NFKB1: variants seen among roughly 807,000 people sequenced by gnomAD.
NFKB1 encodes the protein nuclear factor NF-kappa-B p105 subunit.
A neutral mutation model predicts 105.1 loss-of-function variants in NFKB1; 9 were observed. The ratio of observed to expected loss-of-function variants is 0.09; its 90% CI spans 0.05 to 0.15. The LOEUF is 0.15. Among genes scored for constraint, NFKB1 ranks in the 10% least tolerant of loss-of-function variants. The probability of loss-of-function intolerance (pLI) is 1.00; values close to 1 mark genes in which losing one functional copy is unlikely to be tolerated. For synonymous variants in NFKB1, 440 were observed against 442.2 expected (o/e 1.00, Z 0.06); for missense variants, 830 against 1,203.7 (o/e 0.69, Z 4.59).
chr4:102,533,100 G>C (rs1178390523), intron 3 of NFKB1, among the ~76,000 whole-genome samples: 2 of 152,126 alleles, frequency 1.3e-5, no homozygotes, highest in Non-Finnish European at 2.9e-5. Flanking sequence ...TAAAATGCCT[G>C]AGATGTTTTA....
chr4:102,558,072 A>G (rs1723126756), intron 5 of NFKB1, among the ~76,000 whole-genome samples: 1 of 139,546 alleles, frequency 7.2e-6, no homozygotes, highest in African/African-American at 2.7e-5. Context: ...TATGTGCAGG[A>G]TGTGCAGGTT....
At chr4:102,553,724 G>A (rs1206103781) in intron 5 of NFKB1, among the ~76,000 whole-genome samples, 1 of 152,116 alleles carries the variant, frequency 6.6e-6, no homozygotes, top group East Asian at 1.9e-4. Flanking sequence ...ATTCTTATCA[G>A]GACTTAACTA....
At chr4:102,603,641 A>G (rs1356471577) in intron 16 of NFKB1, among the ~76,000 whole-genome samples, 1 of 152,240 alleles carries the variant, frequency 6.6e-6, no homozygotes, top group African/African-American at 2.4e-5. Context: ...TTTGAGAATT[A>G]GAAACTGCTA....
At position 102,591,120 on chromosome 4, in the gene NFKB1, C is replaced by T. The variant is rs144498191; in HGVS notation, c.1067-2305C>T. On this transcript the variant is annotated intron_variant, in intron 11 of 23. Transcript: ENST00000226574. ...AAAGTGCAAGGTGAAGCAACAAATG[C>T]TAACAGAGAAGCTGCAGCAAGTTAT... Among the ~76,000 whole-genome samples, 573 of 152,248 alleles carry T rather than the reference C, an allele frequency of 3.8e-3. 5 individuals carry two copies. Among genetic ancestry groups the T allele is most frequent in the African/African-American group, 0.013 (559 of 41,548 alleles).
At position 102,526,828 on chromosome 4, in the gene NFKB1, TG is replaced by T. The variant is rs1383673318; in HGVS notation, c.39+1272del. Among the ~76,000 whole-genome samples, 6 of 152,206 alleles carry T rather than the reference TG, an allele frequency of 3.9e-5. No individual in the cohort carries two copies. The East Asian group carries it at 1.2e-3, about 29-fold the overall frequency. On this transcript the variant is annotated intron_variant, in intron 2 of 23. Transcript: ENST00000226574. ...TTCTCCTATATTTTATTTTGAAAAA[TG>T]TTGGAAAAAATAAATAGAAATGTTG...
intron 8 of NFKB1, among the ~76,000 whole-genome samples, chr4:102,579,652 T>A (rs1471505346): frequency 0.014 from 1,894 of 138,080 alleles, 17 homozygotes; most frequent in East Asian, 0.043. Flanking sequence ...AAAAAATATA[T>A]ATATATATAT....
intron 5 of NFKB1, among the ~76,000 whole-genome samples, chr4:102,544,910 C>A (rs1335786567): frequency 1.3e-5 from 2 of 152,166 alleles, no homozygotes; most frequent in East Asian, 3.9e-4. Context: ...TGGCCATTCC[C>A]ATTTTTCTGC....
At chr4:102,552,551 G>T (rs1211789623) in intron 5 of NFKB1, among the ~76,000 whole-genome samples, 4 of 152,072 alleles carry the variant, frequency 2.6e-5, no homozygotes, top group Non-Finnish European at 5.9e-5. Flanking sequence ...TTATTTGTAT[G>T]CCCTTAGAAA....
intron 5 of NFKB1, among the ~76,000 whole-genome samples, chr4:102,541,990 A>G (rs538978978): frequency 6.6e-6 from 1 of 152,112 alleles, no homozygotes; most frequent in African/African-American, 2.4e-5. Context: ...TCAGGGGCCA[A>G]CTTGAAAGAT....
At chr4:102,579,726 A>G (rs910216729) in intron 8 of NFKB1, among the ~76,000 whole-genome samples, 1 of 151,050 alleles carries the variant, frequency 6.6e-6, no homozygotes, top group Non-Finnish European at 1.5e-5. Context: ...AATCTTCAGC[A>G]TTTACCATGC....
intron 19 of NFKB1, 105 bp downstream of exon 19, chr4:102,607,856 C>A: frequency 1.1e-6 from 1 of 939,332 alleles, no homozygotes; most frequent in Non-Finnish European, 1.7e-6. Context: ...AGACCTACTG[C>A]TGAAAAACAA....
chr4:102,513,418 C>G (rs1444877023), intron 1 of NFKB1, among the ~76,000 whole-genome samples: 1 of 152,170 alleles, frequency 6.6e-6, no homozygotes, highest in African/African-American at 2.4e-5. Flanking sequence ...ATAAATTACT[C>G]TTAATTACAA....
At chr4:102,564,529 C>T (rs1413102409) in intron 5 of NFKB1, among the ~76,000 whole-genome samples, 3 of 152,242 alleles carry the variant, frequency 2.0e-5, no homozygotes, top group African/African-American at 7.2e-5. Context: ...TGGACTCTTT[C>T]AAATGGATCC....
At chr4:102,614,739 C>T (rs1220424442) in intron 23 of NFKB1, among the ~76,000 whole-genome samples, 1 of 152,020 alleles carries the variant, frequency 6.6e-6, no homozygotes, top group Admixed American at 6.6e-5. Context: ...AGACCGTCTC[C>T]ATTCCTGGCT....
chr4:102,593,968 A>G (rs1726392298), intron 12 of NFKB1, among the ~76,000 whole-genome samples: 2 of 152,220 alleles, frequency 1.3e-5, no homozygotes, highest in African/African-American at 2.4e-5. Context: ...AACTTTGAAA[A>G]TACATAAAAT....
chr4:102,533,789 A>G, intron 3 of NFKB1, 56 bp from the exon 4 acceptor site: 1 of 1,469,024 alleles, frequency 6.8e-7, no homozygotes, highest in Non-Finnish European at 9.4e-7. Context: ...GTTTTATACC[A>G]AATTTGAGAA....
intron 11 of NFKB1, among the ~76,000 whole-genome samples, chr4:102,589,800 C>G (rs1726021432): frequency 6.6e-6 from 1 of 151,906 alleles, no homozygotes; most frequent in African/African-American, 2.4e-5. Context: ...ATAAAACCTC[C>G]TTAACTGCTC....
At chr4:102,538,752 G>T (rs1289398792) in intron 5 of NFKB1, among the ~76,000 whole-genome samples, 1 of 152,156 alleles carries the variant, frequency 6.6e-6, no homozygotes, top group Admixed American at 6.5e-5. Context: ...GCAGATAAAC[G>T]CAGTCAACAA....
chr4:102,575,124 A>G (rs187651626), intron 6 of NFKB1, among the ~76,000 whole-genome samples: 4 of 152,314 alleles, frequency 2.6e-5, no homozygotes, highest in Admixed American at 6.5e-5. Context: ...TGCTGTATTA[A>G]TTCATGCATT....
Sources: gnomAD v4.1 joint callset for allele counts (sites outside exome capture counted in the v4.1 genomes callset) on GRCh38, gnomAD v4.1.1 for gene constraint, MANE v1.5 for transcripts, NCBI Gene and HGNC (gene_info 2026-07-23, HGNC 2026-07-21) for gene names.